FAM227B: variants seen among roughly 807,000 people sequenced by gnomAD.
FAM227B encodes protein FAM227B.
Under a neutral mutation model 73.8 loss-of-function variants are expected in FAM227B, and 88 were observed. The ratio of observed to expected loss-of-function variants is 1.19; its 90% CI spans 1.00 to 1.42. FAM227B has a LOEUF of 1.42. FAM227B is among the 40% of genes most tolerant of loss of function. The probability of loss-of-function intolerance (pLI) is 0.00; values close to 1 mark genes in which losing one functional copy is unlikely to be tolerated. For synonymous variants in FAM227B, 210 were observed against 190.5 expected, an observed-to-expected ratio of 1.10 and a Z score of -0.84; for missense variants, 632 against 590.9, an observed-to-expected ratio of 1.07 and a Z score of -0.72.
chr15:49,585,654 G>A lies in FAM227B; in HGVS notation c.405+2362C>T, dbSNP rs541117833. On this transcript the variant is annotated intron_variant, in intron 5 of 15. Coordinates refer to ENST00000299338, the MANE Select transcript of FAM227B (RefSeq NM_152647.3). ...GGGAATTGAACAATGAGAACACATG[G>A]ACACAGGAAGGGGAACATCACACAC... Among the ~76,000 whole-genome samples, 236 of 152,066 alleles carry A rather than the reference G, an allele frequency of 1.6e-3. 2 individuals are homozygous for A. Among genetic ancestry groups the A allele is most frequent in the African/African-American group, 5.3e-3 (220 of 41,486 alleles).
At chr15:49,373,559 G>A (rs2045975396) in intron 11 of FAM227B, among the ~76,000 whole-genome samples, 1 of 151,992 alleles carries the variant, frequency 6.6e-6, no homozygotes, top group Admixed American at 6.6e-5. Context: ...ATAATAAAAT[G>A]TCTTAACTGT....
intron 11 of FAM227B, among the ~76,000 whole-genome samples, chr15:49,473,525 T>C (rs2054974260): frequency 6.6e-6 from 1 of 152,148 alleles, no homozygotes. Flanking sequence ...ACTCAGTAAA[T>C]ACTTGTTAAA....
Position 49,365,806 on chromosome 15 carries a change from G to A in FAM227B, c.1271+1642C>T. ...AATAGCTATTGCTATGCACAGTCCA[G>A]AGAGAAACATAAGTCTCACTTCCAT... On this transcript the variant is annotated intron_variant, in intron 13 of 15. Coordinates refer to ENST00000299338, the MANE Select transcript of FAM227B (RefSeq NM_152647.3). The A allele has an allele frequency of 3.5e-6, 3 of 865,840 alleles. No homozygotes were observed. The Admixed American group carries it at 5.1e-5, about 15-fold the overall frequency. The allele number at this position is 865,840 out of a possible 1,614,324, so 53.6% of individuals were successfully genotyped here.
chr15:49,460,402 T>C (rs1461536397), intron 11 of FAM227B, among the ~76,000 whole-genome samples: 1 of 152,226 alleles, frequency 6.6e-6, no homozygotes, highest in Non-Finnish European at 1.5e-5. Flanking sequence ...TTTAGTTGTG[T>C]AGTGGGTGTC....
At chr15:49,545,524 T>C (rs1009918077) in intron 9 of FAM227B, among the ~76,000 whole-genome samples, 1 of 152,182 alleles carries the variant, frequency 6.6e-6, no homozygotes, top group Non-Finnish European at 1.5e-5. Flanking sequence ...TTGATTTTCT[T>C]CAGCTGGGTT....
intron 11 of FAM227B, among the ~76,000 whole-genome samples, chr15:49,501,305 C>A (rs955276112): frequency 6.6e-6 from 1 of 152,144 alleles, no homozygotes; most frequent in Non-Finnish European, 1.5e-5. Context: ...AATGCTGATA[C>A]TGATATGGGC....
At chr15:49,356,017 ATACTT>A (rs1186597427) in intron 13 of FAM227B, among the ~76,000 whole-genome samples, 1 of 151,936 alleles carries the variant, frequency 6.6e-6, no homozygotes, top group Non-Finnish European at 1.5e-5. Flanking sequence ...GAGAAATAAA[ATACTT>A]TACAGACAAG....
intron 10 of FAM227B, among the ~76,000 whole-genome samples, chr15:49,519,732 T>C (rs1264365092): frequency 6.6e-6 from 1 of 152,148 alleles, no homozygotes; most frequent in Non-Finnish European, 1.5e-5. Context: ...CCTCAGCTTG[T>C]GATGAGAGGG....
chr15:49,479,613 T>G (rs1211287298), intron 11 of FAM227B, among the ~76,000 whole-genome samples: 1 of 135,432 alleles, frequency 7.4e-6, no homozygotes. Context: ...TTTTTTTTTT[T>G]TTTTTTTTTT....
chr15:49,559,658 C>T (rs372308497), intron 9 of FAM227B, among the ~76,000 whole-genome samples: 12 of 152,196 alleles, frequency 7.9e-5, no homozygotes, highest in African/African-American at 9.6e-5. Flanking sequence ...CACTATAGGC[C>T]GGGTGTGGTG....
chr15:49,491,310 A>G (rs2057070023), intron 11 of FAM227B, among the ~76,000 whole-genome samples: 1 of 151,886 alleles, frequency 6.6e-6, no homozygotes, highest in Admixed American at 6.6e-5. Flanking sequence ...TACTTTGACT[A>G]TTTCAGTCAC....
At chr15:49,551,828 T>C (rs1318589334) in intron 9 of FAM227B, among the ~76,000 whole-genome samples, 1 of 152,188 alleles carries the variant, frequency 6.6e-6, no homozygotes, top group Non-Finnish European at 1.5e-5. Context: ...TTTAACCTGG[T>C]AACAACATAA....
At chr15:49,554,605 T>C (rs377345026) in intron 9 of FAM227B, among the ~76,000 whole-genome samples, 36 of 152,230 alleles carry the variant, frequency 2.4e-4, no homozygotes, top group African/African-American at 8.4e-4. Flanking sequence ...TCTCACAATG[T>C]TGTGTTCTTT....
chr15:49,355,328 G>A (rs1210953264), intron 13 of FAM227B, among the ~76,000 whole-genome samples: 3 of 152,154 alleles, frequency 2.0e-5, no homozygotes, highest in Non-Finnish European at 4.4e-5. Context: ...AGGCAAAGAA[G>A]TTGAAAACTT....
chr15:49,551,038 G>A (rs551023547), intron 9 of FAM227B, among the ~76,000 whole-genome samples: 54 of 152,366 alleles, frequency 3.5e-4, no homozygotes, highest in African/African-American at 1.1e-3. Flanking sequence ...CCGGCACCCC[G>A]GGAGGCCGAG....
chr15:49,444,553 G>A (rs1200706902), intron 11 of FAM227B, among the ~76,000 whole-genome samples: 1 of 151,578 alleles, frequency 6.6e-6, no homozygotes, highest in Non-Finnish European at 1.5e-5. Context: ...CAGTTAAAAC[G>A]TTATGTGTGT....
intron 9 of FAM227B, among the ~76,000 whole-genome samples, chr15:49,564,931 C>G (rs550633368): frequency 6.6e-6 from 1 of 151,956 alleles, no homozygotes; most frequent in Non-Finnish European, 1.5e-5. Context: ...AATATACCCA[C>G]GTAACGAACC....
chr15:49,581,844 G>T (rs1270614442), intron 5 of FAM227B, among the ~76,000 whole-genome samples: 1 of 152,078 alleles, frequency 6.6e-6, no homozygotes, highest in Non-Finnish European at 1.5e-5. Context: ...ATACACCAGT[G>T]ACACTAAAAA....
At chr15:49,519,879 CGT>C (rs2059658173) in intron 10 of FAM227B, among the ~76,000 whole-genome samples, 1 of 152,116 alleles carries the variant, frequency 6.6e-6, no homozygotes, top group South Asian at 2.1e-4. Context: ...TTTTCTTTTC[CGT>C]CGCATTATTG....
Sources: allele counts gnomAD v4.1 joint callset (sites outside exome capture counted in the v4.1 genomes callset), GRCh38; gene constraint gnomAD v4.1.1; transcripts MANE v1.5; gene names NCBI Gene and HGNC (gene_info 2026-07-23, HGNC 2026-07-21).